Variants in DUSP7 observed in about 807,000 individuals in gnomAD.
DUSP7 encodes the protein dual specificity phosphatase 7.
A neutral mutation model predicts 29.8 loss-of-function variants in DUSP7; 7 were observed. The observed-to-expected ratio is 0.24, with a 90% CI of 0.13 to 0.44. DUSP7 has a LOEUF of 0.44. Ranked by LOEUF, DUSP7 falls within the 20% of genes least tolerant of loss-of-function variation. The probability of loss-of-function intolerance (pLI) is 1.00; values close to 1 mark genes in which losing one functional copy is unlikely to be tolerated. For synonymous variants in DUSP7, 287 were observed against 275.4 expected, an observed-to-expected ratio of 1.04 and a Z score of -0.42; for missense variants, 400 against 583.7, an observed-to-expected ratio of 0.69 and a Z score of 3.24.
In DUSP7 at chr3:52,050,646, C is replaced by G. The variant is rs1173544166; in HGVS notation, c.*169G>C. 2 of 807,540 alleles carry G rather than the reference C, an allele frequency of 2.5e-6. No homozygotes were observed. Among genetic ancestry groups the G allele is most frequent in the South Asian group, 3.9e-5 (2 of 51,314 alleles). 50.0% of individuals were successfully genotyped at this position (807,540 alleles called of 1,614,324 possible). A position where few individuals can be genotyped will look rare whatever the true frequency, so the allele number is the denominator to read the frequency against. On this transcript the variant is annotated 3_prime_UTR_variant, in exon 3 of 3. Coordinates refer to ENST00000495880, the MANE Select transcript of DUSP7 (RefSeq NM_001947.4). The surrounding 1 kb of genome is among the most constrained non-coding windows in gnomAD (Gnocchi z 5.0). ...CAGTGGGAGACCTTGCCTGCGGGCC[C>G]TGCCCCCAAGGATGGTGAGGGGCGC... is the stretch of plus-strand genomic sequence containing the variant.
Position 52,054,804 on chromosome 3 carries a change from C to T in DUSP7, c.518-430G>A, listed in dbSNP as rs978739398. ...GCCAGCACCTCTGGGTTGGCAAACT[C>T]CTCTTATAGATGAGACCACAGGTGC... On this transcript the variant is annotated intron_variant, in intron 1 of 2. Coordinates refer to ENST00000495880, the MANE Select transcript of DUSP7 (RefSeq NM_001947.4). The surrounding 1 kb of genome is among the most constrained non-coding windows in gnomAD (Gnocchi z 4.1). Among the ~76,000 whole-genome samples, 2 of 152,234 alleles carry T rather than the reference C, an allele frequency of 1.3e-5. No individual in the cohort carries two copies. Among genetic ancestry groups the T allele is most frequent in the Non-Finnish European group, 2.9e-5 (2 of 68,032 alleles).
At position 52,051,010 on chromosome 3, in the gene DUSP7, G is replaced by C. The variant is rs552659867; in HGVS notation, c.1065C>G (p.Asn355Lys). Residue 355 changes from asparagine (N) to lysine (K), a missense_variant, in exon 3 of 3, where the codon AAC (asparagine) becomes AAG (lysine). Physicochemically the swap from Asn to Lys is moderately conservative, Grantham distance 94 (BLOSUM62 0). This residue lies in a region of DUSP7 where 75 missense variants were observed against 95.0 expected (regional missense o/e 0.79). Coordinates refer to ENST00000495880, the MANE Select transcript of DUSP7 (RefSeq NM_001947.4). The surrounding 1 kb of genome is among the most constrained non-coding windows in gnomAD (Gnocchi z 4.8). ...YLMQKMNLSL[N>K]DAYDFVKRKK... is the part of the protein sequence containing the mutation. ...TCCTCTTGACAAAGTCGTAGGCGTC[G>C]TTGAGTGACAGGTTCATCTTCTGCA... 1 of 1,614,236 alleles carries C rather than the reference G, an allele frequency of 6.2e-7. No homozygotes were observed.
chr3:52,056,273 C>A lies in DUSP7; in HGVS notation c.94G>T (p.Gly32Cys). The A allele has an allele frequency of 7.9e-7, 1 of 1,266,196 alleles. No homozygotes were observed. Among genetic ancestry groups the A allele is most frequent in the Non-Finnish European group, 9.9e-7 (1 of 1,010,152 alleles). The allele number at this position is 1,266,196 out of a possible 1,614,324, so 78.4% of individuals were successfully genotyped here. The change falls in exon 1 of 3, where the codon GGT becomes TGT. Residue 32 changes from glycine to cysteine, a missense_variant. Gly to Cys is a radical substitution (Grantham distance 159). This residue lies in a region of DUSP7 where 96 missense variants were observed against 97.1 expected (regional missense o/e 0.99). Transcript: ENST00000495880. The surrounding 1 kb of genome is among the most constrained non-coding windows in gnomAD (Gnocchi z 6.4). The part of the protein sequence containing the change: ...AGGTRAGSEP[G>C]AGSGSGAGTG... The stretch of plus-strand genomic sequence containing the variant: ...CCTGCGCCGGACCCCGACCCCGCAC[C>A]GGGCTCGGACCCCGCCCGGGTGCCC...
chr3:52,053,731 A>G lies in DUSP7; in HGVS notation c.952+209T>C. ...AGCTAGGGGGAGCTCAGGACTCAGG[A>G]GACTGCTCAGGCCCCAACAGGTAGA... On this transcript the variant is annotated intron_variant, in intron 2 of 2. Coordinates refer to ENST00000495880, the MANE Select transcript of DUSP7 (RefSeq NM_001947.4). The surrounding 1 kb of genome is among the most constrained non-coding windows in gnomAD (Gnocchi z 4.6). 3 of 595,534 alleles carry G rather than the reference A, an allele frequency of 5.0e-6. No individual in the cohort carries two copies. In the South Asian group the frequency reaches 5.9e-5, roughly 12 times the overall value. 36.9% of individuals were successfully genotyped at this position (595,534 alleles called of 1,614,324 possible).
rs546881981 is a variant in DUSP7, at chr3:52,053,893, T to A, written c.952+47A>T. The A allele has an allele frequency of 3.5e-5, 56 of 1,609,814 alleles. No individual in the cohort carries two copies. The South Asian group carries it at 5.7e-4, about 16-fold the overall frequency. ...CGGGGGCGCCACCCAGAGTCCTGCA[T>A]ACACCTTGATGCACCCACACCCCCC... On this transcript the variant is annotated intron_variant, in intron 2 of 2. Coordinates refer to ENST00000495880, the MANE Select transcript of DUSP7 (RefSeq NM_001947.4). This position sits in a 1 kb window ranked among gnomAD's most constrained non-coding sequence, Gnocchi z 4.6.
rs1212067879 is a variant in DUSP7, at chr3:52,056,342, G to A, written c.25C>T (p.Pro9Ser). 7 of 1,154,164 alleles carry A rather than the reference G, an allele frequency of 6.1e-6. No homozygotes were observed. The highest frequency in any genetic ancestry group is 7.4e-6 in the Non-Finnish European group (7 of 940,258). The allele number at this position is 1,154,164 out of a possible 1,614,324, so 71.5% of individuals were successfully genotyped here. A position where few individuals can be genotyped will look rare whatever the true frequency, so the allele number is the denominator to read the frequency against. MKNQLRGP[P>S]ARAHMSTSGA... ...GAAGTCGACATGTGCGCCCGCGCTG[G>A]GGGGCCGCGGAGCTGGTTTTTCATG... is the stretch of plus-strand genomic sequence containing the variant. The change falls in exon 1 of 3, where the codon CCA becomes TCA. Residue 9 changes from proline (P) to serine (S), a missense_variant. Coordinates refer to ENST00000495880, the MANE Select transcript of DUSP7 (RefSeq NM_001947.4). The surrounding 1 kb of genome is among the most constrained non-coding windows in gnomAD (Gnocchi z 6.4).
rs981652206 is a variant in DUSP7, at chr3:52,051,769, G to A, written c.953-647C>T. On this transcript the variant is annotated intron_variant, in intron 2 of 2. Transcript: ENST00000495880. The surrounding 1 kb of genome is among the most constrained non-coding windows in gnomAD (Gnocchi z 4.8). ...TCCTCTGGAAGGAAGTAGGTGGCCT[G>A]GCCCTGCATTTCGCTCTGCCATCTG... is the stretch of plus-strand genomic sequence containing the variant. 5 of 152,480 alleles carry A rather than the reference G, an allele frequency of 3.3e-5. No individual in the cohort carries two copies. Among genetic ancestry groups the A allele is most frequent in the Non-Finnish European group, 7.3e-5 (5 of 68,260 alleles). The allele number at this position is 152,480 out of a possible 1,614,324, so 9.4% of individuals were successfully genotyped here.
chr3:52,055,120 C>T (rs1002139388), intron 1 of DUSP7, among the ~76,000 whole-genome samples: 1 of 152,238 alleles, frequency 6.6e-6, no homozygotes, highest in Non-Finnish European at 1.5e-5. Context: ...GGCATGGGCC[C>T]TGCGCCCGAG....
In DUSP7 at chr3:52,054,353, G is replaced by C. The variant is rs376651725; in HGVS notation, c.539C>G (p.Thr180Arg). The C allele has an allele frequency of 3.3e-6, 5 of 1,529,522 alleles. No individual in the cohort carries two copies. The highest frequency in any genetic ancestry group is 4.4e-6 in the Non-Finnish European group (5 of 1,138,598). 94.7% of individuals were successfully genotyped at this position (1,529,522 alleles called of 1,614,324 possible). A position where few individuals can be genotyped will look rare whatever the true frequency, so the allele number is the denominator to read the frequency against. Residue 180 changes from threonine to arginine, a missense_variant, in exon 2 of 3, where the codon ACA becomes AGA. This residue lies in a region of DUSP7 where 223 missense variants were observed against 360.9 expected (regional missense o/e 0.62). Transcript: ENST00000495880. This position sits in a 1 kb window ranked among gnomAD's most constrained non-coding sequence, Gnocchi z 4.1. ...GGTCTCGCAGTGCTCAGAGTACTCTGTTTGAAACTTGTTGAAACCACCTGT... is the reference window on the plus strand; with the variant it reads ...GGTCTCGCAGTGCTCAGAGTACTCTCTTTGAAACTTGTTGAAACCACCTGT... The part of the protein sequence containing the change: ...YLQGGFNKFQ[T>R]EYSEHCETNV...
rs1157123474 is a variant in DUSP7 at position 52,056,295 on chromosome 3, GC to G, written c.71del (p.Gly24AlafsTer316). 11 of 1,204,520 alleles carry G rather than the reference GC, an allele frequency of 9.1e-6. No homozygotes were observed. The highest frequency in any genetic ancestry group is 7.8e-5 in the South Asian group (2 of 25,752). The allele number at this position is 1,204,520 out of a possible 1,614,324, so 74.6% of individuals were successfully genotyped here. On this transcript the variant is annotated frameshift_variant, in exon 1 of 3. Transcript: ENST00000495880. LOFTEE classifies it high-confidence loss of function. The surrounding 1 kb of genome is among the most constrained non-coding windows in gnomAD (Gnocchi z 6.4). ...CACCGGGCTCGGACCCCGCCCGGGT[GC>G]CCCCAGCCGCCGCCGCCCCCGAAGT... ...MSTSGAAAAG[G>X]TRAGSEPGAG...
chr3:52,055,762 C>G (rs983878538), intron 1 of DUSP7, 88 bp downstream of exon 1: 4 of 1,407,226 alleles, frequency 2.8e-6, no homozygotes, highest in Non-Finnish European at 1.9e-6. Flanking sequence ...GCAGGCCGAG[C>G]GCGTGGAGAG....
rs928545671 is a variant in DUSP7, at chr3:52,051,344, C to T, written c.953-222G>A. 6.6e-6 allele frequency among the ~76,000 whole-genome samples: 1 copy of T among 152,224 alleles called. No individual in the cohort carries two copies. The highest frequency in any genetic ancestry group is 1.5e-5 in the Non-Finnish European group (1 of 68,034). On this transcript the variant is annotated intron_variant, in intron 2 of 2. Coordinates refer to ENST00000495880, the MANE Select transcript of DUSP7 (RefSeq NM_001947.4). This position sits in a 1 kb window ranked among gnomAD's most constrained non-coding sequence, Gnocchi z 4.8. ...CTCTGCACACTTTAGCCCCAAGGCA[C>T]TGGACACCCGTGTCTGTTTCCTCAT...
rs1032441252 is a variant in DUSP7, at chr3:52,049,427, G to A, written c.*1388C>T. 1 of 152,354 alleles carries A rather than the reference G, an allele frequency of 6.6e-6. No homozygotes were observed. The highest frequency in any genetic ancestry group is 1.5e-5 in the Non-Finnish European group (1 of 68,136). The allele number at this position is 152,354 out of a possible 1,614,324, so 9.4% of individuals were successfully genotyped here. A position where few individuals can be genotyped will look rare whatever the true frequency, so the allele number is the denominator to read the frequency against. On this transcript the variant is annotated 3_prime_UTR_variant, in exon 3 of 3. Coordinates refer to ENST00000495880, the MANE Select transcript of DUSP7 (RefSeq NM_001947.4). Reference sequence around the variant, plus strand: ...GGAATCCGTGGCTTCGTTCTGTGGAGGCAGGGGGAAGTGAACAGAGCCTTA... The same window carrying A: ...GGAATCCGTGGCTTCGTTCTGTGGAAGCAGGGGGAAGTGAACAGAGCCTTA...
In DUSP7 at chr3:52,051,698, A is replaced by G. The variant is rs1033072452; in HGVS notation, c.953-576T>C. On this transcript the variant is annotated intron_variant, in intron 2 of 2. Coordinates refer to ENST00000495880, the MANE Select transcript of DUSP7 (RefSeq NM_001947.4). This position sits in a 1 kb window ranked among gnomAD's most constrained non-coding sequence, Gnocchi z 4.8. The stretch of plus-strand genomic sequence containing the variant: ...GGCTGGTTCTCTTGGAGCCGCTCCC[A>G]TGGGTTGTCCCTGAGAGTCTTCTAG... 2.0e-5 allele frequency: 3 copies of G among 152,764 alleles called. No individual in the cohort carries two copies. The highest frequency in any genetic ancestry group is 7.2e-5 in the African/African-American group (3 of 41,432). 9.5% of individuals were successfully genotyped at this position (152,764 alleles called of 1,614,324 possible).
At position 52,056,283 on chromosome 3, in the gene DUSP7, C is replaced by A; in HGVS notation, c.84G>T (p.Gly28=). Reference sequence around the variant, plus strand: ...ACCCCGACCCCGCACCGGGCTCGGACCCCGCCCGGGTGCCCCCAGCCGCCG... The same window carrying A: ...ACCCCGACCCCGCACCGGGCTCGGAACCCGCCCGGGTGCCCCCAGCCGCCG... ...GAAAAGGTRA[G]SEPGAGSGSG... The change falls in exon 1 of 3, where the codon GGG becomes GGT. Residue 28 remains glycine (G), a synonymous_variant. Coordinates refer to ENST00000495880, the MANE Select transcript of DUSP7 (RefSeq NM_001947.4). The surrounding 1 kb of genome is among the most constrained non-coding windows in gnomAD (Gnocchi z 6.4). The A allele has an allele frequency of 8.1e-7, 1 of 1,237,948 alleles. No individual in the cohort carries two copies. 76.7% of individuals were successfully genotyped at this position (1,237,948 alleles called of 1,614,324 possible).
In DUSP7 at chr3:52,053,590, G is replaced by T; in HGVS notation, c.952+350C>A. 3.1e-6 allele frequency: 1 copy of T among 323,964 alleles called. No individual in the cohort carries two copies. Among genetic ancestry groups the T allele is most frequent in the Admixed American group, 4.5e-5 (1 of 22,048 alleles). The allele number at this position is 323,964 out of a possible 1,614,324, so 20.1% of individuals were successfully genotyped here. Reference sequence around the variant, plus strand: ...CACGTGTGCTGAGGCGTGATGCGGAGCAAGTGAGACCCGTGGGAGGTCTGT... The same window carrying T: ...CACGTGTGCTGAGGCGTGATGCGGATCAAGTGAGACCCGTGGGAGGTCTGT... On this transcript the variant is annotated intron_variant, in intron 2 of 2. Transcript: ENST00000495880. The surrounding 1 kb of genome is among the most constrained non-coding windows in gnomAD (Gnocchi z 4.6).
At chr3:52,055,325 C>T (rs1701889383) in intron 1 of DUSP7, among the ~76,000 whole-genome samples, 2 of 152,210 alleles carry the variant, frequency 1.3e-5, no homozygotes. Context: ...CCTGCCCATA[C>T]CCTGCCCCAA....
At chr3:52,055,593 A>T (rs1701893301) in intron 1 of DUSP7, among the ~76,000 whole-genome samples, 1 of 152,126 alleles carries the variant, frequency 6.6e-6, no homozygotes, top group South Asian at 2.1e-4. Flanking sequence ...ATCAACAGGA[A>T]AAAAAAGGAA....
intron 2 of DUSP7, chr3:52,052,729 C>T (rs1701858625): frequency 6.6e-6 from 1 of 152,304 alleles, no homozygotes; most frequent in South Asian, 2.1e-4. Context: ...GGTCCCCCTA[C>T]CCAGACGGGG....
Sources: allele counts gnomAD v4.1 joint callset (sites outside exome capture counted in the v4.1 genomes callset), GRCh38; gene constraint gnomAD v4.1.1; regional missense constraint gnomAD v4.1.1; non-coding constraint Gnocchi (gnomAD v3.1); transcripts MANE v1.5; gene names NCBI Gene and HGNC (gene_info 2026-07-23, HGNC 2026-07-21).